STARD10: variants seen among roughly 807,000 people sequenced by gnomAD.
STARD10 encodes START domain-containing protein 10.
In STARD10, 24 loss-of-function variants were observed where a neutral mutation model predicts 36.0. The observed-to-expected ratio is 0.67, with a 90% confidence interval of 0.48 to 0.94. STARD10 has a LOEUF of 0.94. STARD10 is among the 40% of genes least tolerant of loss of function. The probability of loss-of-function intolerance (pLI) is 0.00; values close to 1 mark genes in which losing one functional copy is unlikely to be tolerated. For missense variants in STARD10, 335 were observed against 396.6 expected, an observed-to-expected ratio of 0.84 and a Z score of 1.32; for synonymous variants, 156 against 161.9, an observed-to-expected ratio of 0.96 and a Z score of 0.28.
In STARD10 at chr11:72,786,142, A is replaced by G. The variant is rs141876908; in HGVS notation, c.-113-4848T>C. Reference sequence around the variant, plus strand: ...CAAAGCAGGCAGACTGCATGAGGCTAAGAGCTCAAGACCTGGCTGGGTAAC... The same window carrying G: ...CAAAGCAGGCAGACTGCATGAGGCTGAGAGCTCAAGACCTGGCTGGGTAAC... On this transcript the variant is annotated intron_variant, in intron 1 of 6. Transcript: ENST00000334805. Among the ~76,000 whole-genome samples the G allele has an allele frequency of 4.7e-3, 717 of 152,298 alleles. 7 individuals carry two copies. The highest frequency in any genetic ancestry group is 0.016 in the African/African-American group (683 of 41,568).
At chr11:72,780,843 G>C in intron 2 of STARD10, 132 bp downstream of exon 2, 2 of 953,486 alleles carry the variant, frequency 2.1e-6, no homozygotes, top group Admixed American at 2.0e-5. Context: ...GTCTCCTCCC[G>C]GTCCCTGGAA....
intron 2 of STARD10, among the ~76,000 whole-genome samples, chr11:72,763,284 T>C (rs544850758): frequency 3.3e-5 from 5 of 152,202 alleles, no homozygotes; most frequent in Non-Finnish European, 7.4e-5. Context: ...AATAAACAAG[T>C]AAATGGAATG....
intron 2 of STARD10, among the ~76,000 whole-genome samples, chr11:72,769,267 C>T (rs981485474): frequency 2.6e-5 from 4 of 150,994 alleles, no homozygotes; most frequent in Non-Finnish European, 4.4e-5. Context: ...AAAATACTCA[C>T]TGCTTATGAG....
At chr11:72,761,827 G>A (rs1202986347) in intron 2 of STARD10, among the ~76,000 whole-genome samples, 2 of 151,492 alleles carry the variant, frequency 1.3e-5, no homozygotes, top group Non-Finnish European at 2.9e-5. Context: ...AAGCACAATT[G>A]CTAAGGTGTT....
chr11:72,791,189 A>T (rs1024134267), intron 1 of STARD10, among the ~76,000 whole-genome samples: 18 of 152,184 alleles, frequency 1.2e-4, no homozygotes, highest in Admixed American at 3.3e-4. Context: ...AGAGAGGGGC[A>T]GGGACTCACC....
At position 72,781,020 on chromosome 11, in the gene STARD10, G is replaced by A; in HGVS notation, c.162C>T (p.Val54=). The A allele has an allele frequency of 6.2e-7, 1 of 1,614,176 alleles. No homozygotes were observed. Among genetic ancestry groups the A allele is most frequent in the South Asian group, 1.1e-5 (1 of 91,088 alleles). ...GATCCATCTCCACAGCCTGCACCCA[G>A]ACAGACACCCCAGCCCTGCTATAGG... The part of the protein sequence containing the change: ...NLTYSRAGVS[V]WVQAVEMDRT... Residue 54 remains valine, a synonymous_variant, in exon 2 of 7, where the codon GTC becomes GTT. Transcript: ENST00000334805. The surrounding 1 kb of genome is among the most constrained non-coding windows in gnomAD (Gnocchi z 4.7).
At chr11:72,757,145 CAAAAAAAAA>C (rs34839119) in intron 5 of STARD10, among the ~76,000 whole-genome samples, 2 of 102,188 alleles carry the variant, frequency 2.0e-5, no homozygotes, top group Non-Finnish European at 4.0e-5. Context: ...AACTCTGTCT[CAAAAAAAAA>C]AAAAAAAAAA....
chr11:72,792,344 C>T (rs1414382962), intron 1 of STARD10, among the ~76,000 whole-genome samples: 2 of 152,062 alleles, frequency 1.3e-5, no homozygotes, highest in African/African-American at 2.4e-5. Flanking sequence ...CGTGAGCCAC[C>T]GTGCCTGGCC....
chr11:72,789,977 C>T (rs1315623876), intron 1 of STARD10, among the ~76,000 whole-genome samples: 1 of 152,212 alleles, frequency 6.6e-6, no homozygotes, highest in Non-Finnish European at 1.5e-5. Flanking sequence ...TCCCCTCCTC[C>T]AGGAATGTGC....
rs572636828 is a variant in STARD10 at position 72,763,979 on chromosome 11, G to A, written c.208-4598C>T. Among the ~76,000 whole-genome samples the A allele has an allele frequency of 3.3e-5, 5 of 152,268 alleles. No individual in the cohort carries two copies. The South Asian group carries it at 6.2e-4, about 19-fold the overall frequency. On this transcript the variant is annotated intron_variant, in intron 2 of 6. Transcript: ENST00000334805. The stretch of plus-strand genomic sequence containing the variant: ...AGCAGCAGAGCAGGGACTCAAAATC[G>A]GATCTCCCTGTGTTCTTAACCATCA...
At position 72,754,915 on chromosome 11, in the gene STARD10, G is replaced by A. The variant is rs374848566; in HGVS notation, c.858C>T (p.Asp286=). The change falls in exon 7 of 7, where the codon GAC becomes GAT. Residue 286 remains aspartate (D), a synonymous_variant. Coordinates refer to ENST00000334805, the MANE Select transcript of STARD10 (RefSeq NM_006645.3). ...GCGGCGCTCAGGTGAGCGAGGTGTC[G>A]TCGTCGCTGCCCTCGCCGCCCGCGC... is the stretch of plus-strand genomic sequence containing the variant. ...MGGAGGEGSD[D]DTSLT is the part of the protein sequence containing the mutation. The A allele has an allele frequency of 6.8e-4, 1,090 of 1,600,114 alleles. 4 individuals are homozygous for A. The African/African-American group carries it at 0.013, about 19-fold the overall frequency.
chr11:72,754,929 C>T lies in STARD10; in HGVS notation c.844G>A (p.Glu282Lys), dbSNP rs202089909. The T allele has an allele frequency of 9.4e-6, 15 of 1,598,718 alleles. No homozygotes were observed. The Admixed American group carries it at 2.2e-4, about 23-fold the overall frequency. Residue 282 changes from glutamate to lysine, a missense_variant, in exon 7 of 7, where the codon GAG (glutamate) becomes AAG (lysine). Glu to Lys is a moderately conservative substitution (Grantham distance 56). Transcript: ENST00000334805. ...REERMGGAGG[E>K]GSDDDTSLT ...AGCGAGGTGTCGTCGTCGCTGCCCTCGCCGCCCGCGCCGCCCATCCGCTCC... is the reference window on the plus strand; with the variant it reads ...AGCGAGGTGTCGTCGTCGCTGCCCTTGCCGCCCGCGCCGCCCATCCGCTCC...
rs1189000490 is a variant in STARD10 at position 72,761,917 on chromosome 11, C to CTTTTTTT, written c.208-2543_208-2537dup. Among the ~76,000 whole-genome samples, 43 of 37,468 alleles carry CTTTTTTT rather than the reference C, an allele frequency of 1.1e-3. 1 individual carries two copies. The highest frequency in any genetic ancestry group is 1.2e-3 in the South Asian group (1 of 804). The allele number at this position is 37,468 out of a possible 152,430, so 24.6% of individuals were successfully genotyped here. On this transcript the variant is annotated intron_variant, in intron 2 of 6. Transcript: ENST00000334805. ...TCTGTATTTCTTTTTCTTTTCTTTT[C>CTTTTTTT]TTTTTTTTTTTTTTTTTTTTTTTTT...
chr11:72,787,633 CG>C (rs1859090958), intron 1 of STARD10, among the ~76,000 whole-genome samples: 1 of 152,244 alleles, frequency 6.6e-6, no homozygotes, highest in Admixed American at 6.5e-5. Flanking sequence ...AGTTCGATTG[CG>C]GGGTCGATGC....
chr11:72,760,204 ATTTC>A (rs1272193686), intron 2 of STARD10, among the ~76,000 whole-genome samples: 2 of 148,556 alleles, frequency 1.3e-5, no homozygotes, highest in African/African-American at 2.5e-5. Context: ...CCCGGCCTGG[ATTTC>A]TTTCTTTTTT....
chr11:72,783,711 C>CTG (rs1859034637), intron 1 of STARD10: 5 of 152,330 alleles, frequency 3.3e-5, no homozygotes, highest in South Asian at 2.1e-4. Context: ...TTTTTAGGGC[C>CTG]CCAATAAAAC....
chr11:72,788,328 G>A (rs1292299558), intron 1 of STARD10, among the ~76,000 whole-genome samples: 1 of 152,178 alleles, frequency 6.6e-6, no homozygotes, highest in Non-Finnish European at 1.5e-5. Flanking sequence ...CCCCTCCCTA[G>A]AGAGGGTGTG....
rs375168255 is a variant in STARD10 at position 72,754,816 on chromosome 11, G to C, written c.*81C>G. On this transcript the variant is annotated 3_prime_UTR_variant, in exon 7 of 7. Coordinates refer to ENST00000334805, the MANE Select transcript of STARD10 (RefSeq NM_006645.3). The stretch of plus-strand genomic sequence containing the variant: ...GGCCCGGTGCCACCAGGTGCCGGGT[G>C]GGGGAGGGGAGAAAGTGCAGGAGCG... The C allele has an allele frequency of 7.3e-4, 1,124 of 1,533,570 alleles. 4 individuals are homozygous for C. The African/African-American group carries it at 0.013, about 18-fold the overall frequency. 95.0% of individuals were successfully genotyped at this position (1,533,570 alleles called of 1,614,324 possible).
chr11:72,759,295 G>T lies in STARD10; in HGVS notation c.294C>A (p.Asn98Lys). The change falls in exon 3 of 7, where the codon AAC becomes AAA. Residue 98 changes from asparagine to lysine, a missense_variant. By Grantham distance (94) the Asn-to-Lys change is moderately conservative (BLOSUM62 0). Coordinates refer to ENST00000334805, the MANE Select transcript of STARD10 (RefSeq NM_006645.3). ...DIEYRKKWDS[N>K]VIETFDIARL... Reference sequence around the variant, plus strand: ...GGGCGATGTCAAAAGTCTCAATGACGTTGCTGTCCCATTTCTTGCGGTACT... The same window carrying T: ...GGGCGATGTCAAAAGTCTCAATGACTTTGCTGTCCCATTTCTTGCGGTACT... 1 of 1,614,132 alleles carries T rather than the reference G, an allele frequency of 6.2e-7. No homozygotes were observed. The highest frequency in any genetic ancestry group is 8.5e-7 in the Non-Finnish European group (1 of 1,180,034).
Sources: gnomAD v4.1 joint callset for allele counts (sites outside exome capture counted in the v4.1 genomes callset) on GRCh38, gnomAD v4.1.1 for gene constraint, Gnocchi (gnomAD v3.1) non-coding constraint, MANE v1.5 for transcripts, NCBI Gene and HGNC (gene_info 2026-07-23, HGNC 2026-07-21) for gene names.